The following CYP26B1 variants were observed in gnomAD, a reference collection of about 807,000 sequenced individuals.
CYP26B1 encodes cytochrome P450 26B1.
In CYP26B1, 8 loss-of-function variants were observed where a neutral mutation model predicts 39.1. The ratio of observed to expected loss-of-function variants is 0.20; its 90% CI spans 0.12 to 0.37. The LOEUF (loss-of-function observed/expected upper bound fraction) is 0.37, where lower values mean the gene tolerates loss of function less well. CYP26B1 is among the 10% of genes least tolerant of loss of function. CYP26B1 has a pLI of 1.00. For missense variants in CYP26B1, 615 were observed against 707.0 expected (o/e 0.87, Z 1.48); for synonymous variants, 321 against 314.3 (o/e 1.02, Z -0.23).
intron 2 of CYP26B1, among the ~76,000 whole-genome samples, chr2:72,143,734 G>A (rs916421358): frequency 6.6e-6 from 1 of 152,224 alleles, no homozygotes; most frequent in Non-Finnish European, 1.5e-5. Flanking sequence ...CCCAGACCCC[G>A]CACGCTCAAG....
chr2:72,147,017 C>T lies in CYP26B1; in HGVS notation c.204+614G>A, dbSNP rs931069534. 6.6e-6 allele frequency among the ~76,000 whole-genome samples: 1 copy of T among 152,222 alleles called. No homozygotes were observed. The highest frequency in any genetic ancestry group is 1.5e-5 in the Non-Finnish European group (1 of 68,028). On this transcript the variant is annotated intron_variant, in intron 1 of 5. Coordinates refer to ENST00000001146, the MANE Select transcript of CYP26B1 (RefSeq NM_019885.4). This position sits in a 1 kb window ranked among gnomAD's most constrained non-coding sequence, Gnocchi z 6.1. ...GTAAATAGACCCTTTTCCCCGAAAGCCTAGAGCCCTGGATTCTCATTTTTC... is the reference window on the plus strand; with the variant it reads ...GTAAATAGACCCTTTTCCCCGAAAGTCTAGAGCCCTGGATTCTCATTTTTC...
intron 2 of CYP26B1, chr2:72,142,980 G>C (rs1041119807): frequency 1.2e-5 from 2 of 167,122 alleles, no homozygotes; most frequent in Admixed American, 1.3e-4. Flanking sequence ...TACAGGATGC[G>C]TCGGCTAGTA....
intron 2 of CYP26B1, among the ~76,000 whole-genome samples, chr2:72,143,726 C>T (rs898806213): frequency 1.3e-5 from 2 of 152,238 alleles, no homozygotes; most frequent in Admixed American, 1.3e-4. Context: ...TTGGACACCC[C>T]AGACCCCGCA....
intron 2 of CYP26B1, among the ~76,000 whole-genome samples, chr2:72,141,057 G>T (rs1184348703): frequency 1.3e-5 from 2 of 152,158 alleles, no homozygotes; most frequent in African/African-American, 4.8e-5. Flanking sequence ...GAAGCTTCTA[G>T]AACCATTCTC....
chr2:72,140,225 G>A (rs1489801493), intron 2 of CYP26B1, among the ~76,000 whole-genome samples: 1 of 152,184 alleles, frequency 6.6e-6, no homozygotes, highest in Non-Finnish European at 1.5e-5. Flanking sequence ...CTGAATCCAG[G>A]CCGCCCACCC....
At position 72,132,513 on chromosome 2, in the gene CYP26B1, C is replaced by A; in HGVS notation, c.1253G>T (p.Ser418Ile). 6.2e-7 allele frequency: 1 copy of A among 1,611,614 alleles called. No homozygotes were observed. Among genetic ancestry groups the A allele is most frequent in the Non-Finnish European group, 8.5e-7 (1 of 1,178,444 alleles). The change falls in exon 6 of 6, where the codon AGC (serine) becomes ATC (isoleucine). Residue 418 changes from serine (S) to isoleucine (I), a missense_variant. Transcript: ENST00000001146. ...DVNVFDPDRF[S>I]QARSEDKDGR... The stretch of plus-strand genomic sequence containing the variant: ...ATCCTTGTCCTCGCTCCGCGCCTGG[C>A]TGAAGCGATCGGGGTCGAACACGTT...
intron 2 of CYP26B1, among the ~76,000 whole-genome samples, chr2:72,141,705 G>A (rs528864917): frequency 6.6e-6 from 1 of 152,370 alleles, no homozygotes; most frequent in Admixed American, 6.5e-5. Flanking sequence ...TTCTCTCCAG[G>A]ACAATCATGG....
intron 4 of CYP26B1, among the ~76,000 whole-genome samples, chr2:72,134,322 G>A (rs1276823889): frequency 1.3e-5 from 2 of 150,196 alleles, no homozygotes; most frequent in Non-Finnish European, 3.0e-5. Context: ...GGGGCGGGGG[G>A]GAGGGTGGGA....
intron 2 of CYP26B1, among the ~76,000 whole-genome samples, chr2:72,136,651 T>C (rs1369039748): frequency 6.6e-6 from 1 of 152,058 alleles, no homozygotes; most frequent in Non-Finnish European, 1.5e-5. Context: ...CGATAGGAGG[T>C]CGCCTGGGTC....
At position 72,132,493 on chromosome 2, in the gene CYP26B1, T is replaced by C. The variant is rs779129723; in HGVS notation, c.1273A>G (p.Lys425Glu). Residue 425 changes from lysine to glutamate, a missense_variant, in exon 6 of 6, where the codon AAG becomes GAG. By Grantham distance (56) the Lys-to-Glu change is moderately conservative (BLOSUM62 1). Coordinates refer to ENST00000001146, the MANE Select transcript of CYP26B1 (RefSeq NM_019885.4). Reference protein sequence around the residue: ...DRFSQARSEDKDGRFHYLPFG... With the variant: ...DRFSQARSEDEDGRFHYLPFG... ...GGGAGGTAATGGAAGCGGCCATCCT[T>C]GTCCTCGCTCCGCGCCTGGCTGAAG... The C allele has an allele frequency of 2.5e-6, 4 of 1,612,922 alleles. No individual in the cohort carries two copies. In the Admixed American group the frequency reaches 5.0e-5, roughly 20 times the overall value.
intron 1 of CYP26B1, among the ~76,000 whole-genome samples, chr2:72,145,487 C>T (rs1677097782): frequency 6.6e-6 from 1 of 152,198 alleles, no homozygotes; most frequent in Non-Finnish European, 1.5e-5. Flanking sequence ...CCGTGCAGCC[C>T]TTCTAGACGG....
rs1037172182 is a variant in CYP26B1 at position 72,135,255 on chromosome 2, C to G, written c.594G>C (p.Leu198=). Residue 198 remains leucine (L), a synonymous_variant, in exon 3 of 6, where the codon CTG becomes CTC. Transcript: ENST00000001146. ...LTFRMAIRVL[L]GFSIPEEDLG... is the part of the protein sequence containing the mutation. ...GGTCCTCCTCAGGGATGCTGAAGCC[C>G]AGCAGCACCCGGATGGCCATGCGGA... 3.7e-6 allele frequency: 6 copies of G among 1,614,134 alleles called. No individual in the cohort carries two copies. Among genetic ancestry groups the G allele is most frequent in the Non-Finnish European group, 5.1e-6 (6 of 1,180,038 alleles).
In CYP26B1 at chr2:72,130,840, C is replaced by T. The variant is rs1356505538; in HGVS notation, c.*1387G>A. Reference sequence around the variant, plus strand: ...TCAGCTTCAGCTGCGGCAGCCTTCCCGCAGCTGTCCGGAGACCACACAGGG... The same window carrying T: ...TCAGCTTCAGCTGCGGCAGCCTTCCTGCAGCTGTCCGGAGACCACACAGGG... On this transcript the variant is annotated 3_prime_UTR_variant, in exon 6 of 6. Coordinates refer to ENST00000001146, the MANE Select transcript of CYP26B1 (RefSeq NM_019885.4). 2.0e-5 allele frequency: 3 copies of T among 152,132 alleles called. No individual in the cohort carries two copies. Among genetic ancestry groups the T allele is most frequent in the Admixed American group, 6.5e-5 (1 of 15,280 alleles). The allele number at this position is 152,132 out of a possible 1,614,324, so 9.4% of individuals were successfully genotyped here.
rs1676593593 is a variant in CYP26B1 at position 72,132,019 on chromosome 2, G to A, written c.*208C>T. 1 of 615,246 alleles carries A rather than the reference G, an allele frequency of 1.6e-6. No individual in the cohort carries two copies. Among genetic ancestry groups the A allele is most frequent in the Non-Finnish European group, 2.8e-6 (1 of 351,572 alleles). The allele number at this position is 615,246 out of a possible 1,614,324, so 38.1% of individuals were successfully genotyped here. ...AGCTGATGGTAAATGGGGAGTGGCT[G>A]GAGGGAAGCTGGAGCCAGAAGGGGA... On this transcript the variant is annotated 3_prime_UTR_variant, in exon 6 of 6. Coordinates refer to ENST00000001146, the MANE Select transcript of CYP26B1 (RefSeq NM_019885.4).
At chr2:72,133,677 C>T (rs951862115) in intron 4 of CYP26B1, among the ~76,000 whole-genome samples, 6 of 152,228 alleles carry the variant, frequency 3.9e-5, no homozygotes, top group African/African-American at 7.2e-5. Context: ...CCAGGCCCTG[C>T]GCAGCAGGTG....
intron 2 of CYP26B1, among the ~76,000 whole-genome samples, chr2:72,138,243 T>C (rs1676834291): frequency 6.6e-6 from 1 of 152,168 alleles, no homozygotes; most frequent in Non-Finnish European, 1.5e-5. Context: ...GCCTCATCCC[T>C]GGGTCTGTGC....
chr2:72,129,825 C>T lies in CYP26B1; in HGVS notation c.*2402G>A, dbSNP rs1023047604. 6.8e-6 allele frequency: 1 copy of T among 147,132 alleles called. No homozygotes were observed. Among genetic ancestry groups the T allele is most frequent in the African/African-American group, 2.6e-5 (1 of 37,826 alleles). The allele number at this position is 147,132 out of a possible 1,614,324, so 9.1% of individuals were successfully genotyped here. A position where few individuals can be genotyped will look rare whatever the true frequency, so the allele number is the denominator to read the frequency against. ...AGAAACATCACCCATCTAATGCTAG[C>T]TGTATGAAACACACACGCACACGCA... On this transcript the variant is annotated 3_prime_UTR_variant, in exon 6 of 6. Coordinates refer to ENST00000001146, the MANE Select transcript of CYP26B1 (RefSeq NM_019885.4).
Position 72,130,455 on chromosome 2 carries a change from T to C in CYP26B1, c.*1772A>G, listed in dbSNP as rs1005563449. 1.3e-5 allele frequency: 2 copies of C among 152,210 alleles called. No homozygotes were observed. Among genetic ancestry groups the C allele is most frequent in the Non-Finnish European group, 2.9e-5 (2 of 68,088 alleles). The allele number at this position is 152,210 out of a possible 1,614,324, so 9.4% of individuals were successfully genotyped here. On this transcript the variant is annotated 3_prime_UTR_variant, in exon 6 of 6. Coordinates refer to ENST00000001146, the MANE Select transcript of CYP26B1 (RefSeq NM_019885.4). ...TATGGGCCCGTTCCTATAGTCTATC[T>C]TCAGGGTGGCTGTGAGTGGGGTCAG...
intron 2 of CYP26B1, among the ~76,000 whole-genome samples, chr2:72,138,505 T>C (rs974453387): frequency 1.3e-5 from 2 of 152,174 alleles, no homozygotes; most frequent in Non-Finnish European, 1.5e-5. Context: ...ACCACAGGCA[T>C]CGCAGGAGCC....
Sources: gnomAD v4.1 joint callset for allele counts (sites outside exome capture counted in the v4.1 genomes callset) on GRCh38, gnomAD v4.1.1 for gene constraint, Gnocchi (gnomAD v3.1) non-coding constraint, MANE v1.5 for transcripts, NCBI Gene and HGNC (gene_info 2026-07-23, HGNC 2026-07-21) for gene names.